The following ASTN2 variants were observed in gnomAD, a reference collection of about 807,000 sequenced individuals.
ASTN2 encodes astrotactin-2.
A neutral mutation model predicts 139.8 loss-of-function variants in ASTN2; 54 were observed. That is an observed-to-expected ratio of 0.39 (90% CI 0.31 to 0.48). The LOEUF is 0.48. ASTN2 is among the 20% of genes least tolerant of loss of function. The pLI is 0.95. For synonymous variants in ASTN2, 756 were observed against 719.5 expected, an observed-to-expected ratio of 1.05 and a Z score of -0.81; for missense variants, 1,565 against 1,725.1, an observed-to-expected ratio of 0.91 and a Z score of 1.64.
chr9:116,774,308 A>G (rs1476771823), intron 13 of ASTN2, among the ~76,000 whole-genome samples: 1 of 152,178 alleles, frequency 6.6e-6, no homozygotes, highest in Non-Finnish European at 1.5e-5. Context: ...AAGGACAAGA[A>G]TCTGTATCTC....
chr9:116,955,418 G>A (rs955580450), intron 10 of ASTN2, among the ~76,000 whole-genome samples: 1 of 152,240 alleles, frequency 6.6e-6, no homozygotes, highest in African/African-American at 2.4e-5. Context: ...AATAGTAAAT[G>A]AGACCAAATA....
intron 4 of ASTN2, among the ~76,000 whole-genome samples, chr9:117,107,902 T>C (rs2132779774): frequency 6.6e-6 from 1 of 152,338 alleles, no homozygotes; most frequent in South Asian, 2.1e-4. Context: ...GATGTACTTT[T>C]TTGGTCCTAA....
intron 13 of ASTN2, among the ~76,000 whole-genome samples, chr9:116,743,436 C>T (rs900703652): frequency 4.6e-5 from 7 of 152,092 alleles, no homozygotes; most frequent in African/African-American, 1.2e-4. Flanking sequence ...CTGTAGTCCA[C>T]GCTACTCAGG....
At chr9:116,445,605 G>C (rs555882222) in intron 20 of ASTN2, among the ~76,000 whole-genome samples, 4 of 152,334 alleles carry the variant, frequency 2.6e-5, no homozygotes, top group African/African-American at 9.6e-5. Flanking sequence ...TGCTGGGGAA[G>C]AAGTGGTCTT....
At chr9:116,467,491 T>A (rs1427336134) in intron 20 of ASTN2, among the ~76,000 whole-genome samples, 2 of 152,188 alleles carry the variant, frequency 1.3e-5, no homozygotes, top group Non-Finnish European at 2.9e-5. Context: ...GGTCTCAATC[T>A]CTTGACCTCG....
chr9:116,694,617 C>T (rs1441752598), intron 16 of ASTN2, among the ~76,000 whole-genome samples: 6 of 140,928 alleles, frequency 4.3e-5, no homozygotes, highest in African/African-American at 1.6e-4. Context: ...CCTGCCACCA[C>T]GCCCAGCTAA....
At chr9:117,312,290 A>C (rs1587937065) in intron 1 of ASTN2, among the ~76,000 whole-genome samples, 1 of 152,212 alleles carries the variant, frequency 6.6e-6, no homozygotes, top group East Asian at 1.9e-4. Context: ...AGAGAATCAC[A>C]AAATAAAAAC....
At chr9:116,854,961 A>G (rs1207245003) in intron 11 of ASTN2, among the ~76,000 whole-genome samples, 3 of 148,426 alleles carry the variant, frequency 2.0e-5, no homozygotes, top group Non-Finnish European at 4.4e-5. Context: ...CTCCCTTCTC[A>G]TTATTCCCCC....
chr9:117,060,813 T>C (rs1364926051), intron 5 of ASTN2, among the ~76,000 whole-genome samples: 2 of 151,850 alleles, frequency 1.3e-5, no homozygotes, highest in East Asian at 3.9e-4. Context: ...AAGAATAGCA[T>C]GAACCCAGGA....
intron 1 of ASTN2, among the ~76,000 whole-genome samples, chr9:117,335,783 A>G (rs527693374): frequency 6.6e-6 from 1 of 151,982 alleles, no homozygotes; most frequent in South Asian, 2.1e-4. Flanking sequence ...AGCAAGAAGA[A>G]AAAAAAAGGG....
At chr9:116,787,002 C>T (rs955429147) in intron 13 of ASTN2, among the ~76,000 whole-genome samples, 6 of 152,190 alleles carry the variant, frequency 3.9e-5, no homozygotes, top group Non-Finnish European at 8.8e-5. Context: ...CCTGTGAAGA[C>T]GTAGCTTCCG....
At chr9:117,381,440 GATTTC>G (rs948894634) in intron 1 of ASTN2, among the ~76,000 whole-genome samples, 16 of 152,102 alleles carry the variant, frequency 1.1e-4, no homozygotes, top group African/African-American at 3.9e-4. Flanking sequence ...CATGGGGGTG[GATTTC>G]TCATGAATGG....
intron 19 of ASTN2, among the ~76,000 whole-genome samples, chr9:116,553,319 T>C (rs1196650390): frequency 2.0e-5 from 3 of 152,200 alleles, no homozygotes; most frequent in African/African-American, 7.2e-5. Flanking sequence ...TAGATGTTTA[T>C]GGCATTCACC....
At position 116,799,494 on chromosome 9, in the gene ASTN2, G is replaced by C. The variant is rs1830784266; in HGVS notation, c.2396+6138C>G. Among the ~76,000 whole-genome samples the C allele has an allele frequency of 2.0e-5, 3 of 152,140 alleles. No individual in the cohort carries two copies. The South Asian group carries it at 6.2e-4, about 31-fold the overall frequency. On this transcript the variant is annotated intron_variant, in intron 13 of 22. Transcript: ENST00000313400. ...TATTGGCAAATGCCTACTGCCAGCA[G>C]ACCCATCTTATTTATGATGAGGCTT...
chr9:116,936,889 G>C (rs1401957216), intron 10 of ASTN2, among the ~76,000 whole-genome samples: 4 of 152,176 alleles, frequency 2.6e-5, no homozygotes, highest in African/African-American at 9.6e-5. Flanking sequence ...GCCCTGTCTA[G>C]CTCCTTAGGG....
chr9:116,737,046 A>G (rs968282119), intron 13 of ASTN2, among the ~76,000 whole-genome samples: 1 of 152,192 alleles, frequency 6.6e-6, no homozygotes, highest in Admixed American at 6.5e-5. Flanking sequence ...ACTTGGAGAA[A>G]TGCAGAAAGA....
chr9:117,022,156 A>G (rs1349098111), intron 6 of ASTN2, among the ~76,000 whole-genome samples: 1 of 152,166 alleles, frequency 6.6e-6, no homozygotes, highest in African/African-American at 2.4e-5. Context: ...GTGTGTGTGC[A>G]TAAACAAGAA....
At chr9:116,987,493 G>A (rs1289195029) in intron 7 of ASTN2, among the ~76,000 whole-genome samples, 1 of 152,144 alleles carries the variant, frequency 6.6e-6, no homozygotes, top group African/African-American at 2.4e-5. Context: ...TGAAGATTGT[G>A]CTTGTTTTCC....
At chr9:117,120,050 A>ATATATATG in intron 4 of ASTN2, among the ~76,000 whole-genome samples, 1 of 125,508 alleles carries the variant, frequency 8.0e-6, no homozygotes, top group South Asian at 2.5e-4. Flanking sequence ...ATATATATAT[A>ATATATATG]CCCTGAGTAT....
Sources: gnomAD v4.1 joint callset for allele counts (sites outside exome capture counted in the v4.1 genomes callset) on GRCh38, gnomAD v4.1.1 for gene constraint, MANE v1.5 for transcripts, NCBI Gene and HGNC (gene_info 2026-07-23, HGNC 2026-07-21) for gene names.